The following CEP128 variants were observed in gnomAD, a reference collection of about 807,000 sequenced individuals.
CEP128 encodes centrosomal protein 128kDa.
In CEP128, 132 loss-of-function variants were observed where a neutral mutation model predicts 156.7. That is an observed-to-expected ratio of 0.84 (90% CI 0.73 to 0.97). The LOEUF is 0.97. CEP128 is among the 50% of genes least tolerant of loss of function. The probability of loss-of-function intolerance (pLI) is 0.00; values close to 1 mark genes in which losing one functional copy is unlikely to be tolerated. For synonymous variants in CEP128, 469 were observed against 448.9 expected, an observed-to-expected ratio of 1.04 and a Z score of -0.57; for missense variants, 1,252 against 1,281.9, an observed-to-expected ratio of 0.98 and a Z score of 0.36.
intron 21 of CEP128, among the ~76,000 whole-genome samples, chr14:80,538,499 T>C (rs1206197744): frequency 1.3e-5 from 2 of 151,968 alleles, no homozygotes; most frequent in African/African-American, 2.4e-5. Flanking sequence ...GTGAAAGAAA[T>C]TTACAGAGCT....
chr14:80,591,784 A>G (rs1362560126), intron 19 of CEP128, among the ~76,000 whole-genome samples: 3 of 152,218 alleles, frequency 2.0e-5, no homozygotes, highest in Non-Finnish European at 2.9e-5. Context: ...AATGCAAAAT[A>G]ATGGAAATCA....
intron 23 of CEP128, among the ~76,000 whole-genome samples, chr14:80,515,439 T>G (rs1430143570): frequency 6.6e-6 from 1 of 152,196 alleles, no homozygotes; most frequent in African/African-American, 2.4e-5. Flanking sequence ...TTCACTCTCC[T>G]TTCCTCATGC....
intron 19 of CEP128, among the ~76,000 whole-genome samples, chr14:80,616,107 ATT>A (rs1360630585): frequency 6.6e-6 from 1 of 152,214 alleles, no homozygotes. Flanking sequence ...GGCCTGTTCA[ATT>A]TCACTCTTGC....
chr14:80,921,022 T>C (rs1386489009), intron 2 of CEP128, among the ~76,000 whole-genome samples: 1 of 152,160 alleles, frequency 6.6e-6, no homozygotes, highest in African/African-American at 2.4e-5. Flanking sequence ...AATTTCAAAA[T>C]ACAAGAATGG....
intron 19 of CEP128, among the ~76,000 whole-genome samples, chr14:80,673,467 C>G (rs1280100722): frequency 8.3e-6 from 1 of 121,018 alleles, no homozygotes; most frequent in Non-Finnish European, 1.7e-5. Context: ...AACGGTGAAA[C>G]CCCGTCTCTA....
chr14:80,584,046 G>T (rs763803419), intron 19 of CEP128, among the ~76,000 whole-genome samples: 7 of 151,264 alleles, frequency 4.6e-5, no homozygotes, highest in Non-Finnish European at 8.8e-5. Flanking sequence ...ATACTTAATT[G>T]CACCCTTCTT....
intron 19 of CEP128, among the ~76,000 whole-genome samples, chr14:80,672,754 TC>T (rs1211765473): frequency 1.3e-5 from 2 of 152,200 alleles, no homozygotes; most frequent in African/African-American, 4.8e-5. Flanking sequence ...GCCTGTGCTT[TC>T]TAAATAACAA....
chr14:80,841,943 G>C (rs1167676653), intron 9 of CEP128, among the ~76,000 whole-genome samples: 1 of 151,802 alleles, frequency 6.6e-6, no homozygotes, highest in Non-Finnish European at 1.5e-5. Context: ...AACAGAGTGA[G>C]ACCCTCAAAA....
chr14:80,539,950 A>C (rs113731625), intron 21 of CEP128, among the ~76,000 whole-genome samples: 2,709 of 150,580 alleles, frequency 0.018, 78 homozygotes, highest in African/African-American at 0.063. Context: ...GTGGGGAAAA[A>C]CTCCACCCTG....
intron 19 of CEP128, among the ~76,000 whole-genome samples, chr14:80,629,279 T>C (rs768860715): frequency 3.9e-5 from 6 of 152,296 alleles, no homozygotes; most frequent in African/African-American, 1.2e-4. Context: ...GGTTTCTTTA[T>C]CTGTAAAATA....
At chr14:80,907,657 CAA>C (rs67715110) in intron 4 of CEP128, among the ~76,000 whole-genome samples, 36 of 64,634 alleles carry the variant, frequency 5.6e-4, no homozygotes, top group African/African-American at 1.6e-3. Flanking sequence ...GACTCTGTTT[CAA>C]AAAAAAAAAA....
chr14:80,724,102 G>C (rs979476914), intron 19 of CEP128, among the ~76,000 whole-genome samples: 1 of 152,154 alleles, frequency 6.6e-6, no homozygotes, highest in Non-Finnish European at 1.5e-5. Flanking sequence ...TGGTTCTGTG[G>C]TATGCTATTG....
At chr14:80,658,882 A>G (rs1268600530) in intron 19 of CEP128, among the ~76,000 whole-genome samples, 1 of 152,170 alleles carries the variant, frequency 6.6e-6, no homozygotes, top group Admixed American at 6.5e-5. Flanking sequence ...TCTCACAGCA[A>G]TGCTTAAAGT....
chr14:80,848,376 G>C (rs557998142), intron 9 of CEP128, among the ~76,000 whole-genome samples: 1 of 152,222 alleles, frequency 6.6e-6, no homozygotes, highest in South Asian at 2.1e-4. Flanking sequence ...TAGAAAATTA[G>C]GGGTTGGGCA....
At chr14:80,640,377 A>G (rs897132769) in intron 19 of CEP128, among the ~76,000 whole-genome samples, 1 of 152,064 alleles carries the variant, frequency 6.6e-6, no homozygotes, top group Non-Finnish European at 1.5e-5. Flanking sequence ...TGACTGTCTC[A>G]TTTTCTATTA....
At chr14:80,801,039 C>T (rs992721604) in intron 13 of CEP128, among the ~76,000 whole-genome samples, 1 of 152,168 alleles carries the variant, frequency 6.6e-6, no homozygotes, top group African/African-American at 2.4e-5. Context: ...CAACAGATTT[C>T]ACCACTGGTG....
intron 8 of CEP128, among the ~76,000 whole-genome samples, chr14:80,875,554 A>C (rs575211100): frequency 2.6e-5 from 4 of 152,362 alleles, no homozygotes; most frequent in African/African-American, 9.6e-5. Flanking sequence ...GCTATGAGAC[A>C]CAGATAAACA....
chr14:80,814,738 AACAG>A (rs1183814676), intron 13 of CEP128, among the ~76,000 whole-genome samples: 1 of 152,144 alleles, frequency 6.6e-6, no homozygotes, highest in Non-Finnish European at 1.5e-5. Flanking sequence ...ACAAAAACAA[AACAG>A]ACAAATGGGA....
intron 14 of CEP128, among the ~76,000 whole-genome samples, chr14:80,789,947 C>G (rs993183262): frequency 2.0e-5 from 3 of 151,546 alleles, no homozygotes; most frequent in Non-Finnish European, 4.4e-5. Context: ...TATACTAATA[C>G]ATACTCTAGC....
Sources: gnomAD v4.1 joint callset for allele counts (sites outside exome capture counted in the v4.1 genomes callset) on GRCh38, gnomAD v4.1.1 for gene constraint, MANE v1.5 for transcripts, NCBI Gene and HGNC (gene_info 2026-07-23, HGNC 2026-07-21) for gene names.